HSD17B4: variants seen among roughly 807,000 people sequenced by gnomAD.
The protein encoded by HSD17B4 is hydroxysteroid 17-beta dehydrogenase 4.
In HSD17B4, 70 loss-of-function variants were observed where a neutral mutation model predicts 101.0. The ratio of observed to expected loss-of-function variants is 0.69; its 90% CI spans 0.57 to 0.85. HSD17B4 has a LOEUF of 0.85. HSD17B4 is among the 40% of genes least tolerant of loss of function. The pLI is 0.00. For missense variants in HSD17B4, 984 were observed against 892.4 expected (o/e 1.10, Z -1.31); for synonymous variants, 347 against 297.1 (o/e 1.17, Z -1.73).
chr5:119,506,129 C>G (rs1223240796), intron 14 of HSD17B4, among the ~76,000 whole-genome samples: 1 of 152,040 alleles, frequency 6.6e-6, no homozygotes, highest in Non-Finnish European at 1.5e-5. Flanking sequence ...AACCCGTCAC[C>G]TATATTAGGT....
intron 17 of HSD17B4, among the ~76,000 whole-genome samples, chr5:119,517,728 C>G (rs1265701868): frequency 6.6e-6 from 1 of 152,164 alleles, no homozygotes; most frequent in Non-Finnish European, 1.5e-5. Flanking sequence ...TCTAGCTGCT[C>G]TGGTGGGGCC....
intron 19 of HSD17B4, among the ~76,000 whole-genome samples, chr5:119,526,281 A>ATT (rs377073048): frequency 1.6e-5 from 1 of 64,276 alleles, no homozygotes; most frequent in East Asian, 2.0e-3. Context: ...AGGTGCATAT[A>ATT]TTATATATAT....
At chr5:119,516,646 C>T (rs576795211) in intron 17 of HSD17B4, among the ~76,000 whole-genome samples, 10 of 152,022 alleles carry the variant, frequency 6.6e-5, no homozygotes, top group African/African-American at 1.2e-4. Context: ...TACCAGTTCC[C>T]TAAAAAACAT....
intron 2 of HSD17B4, among the ~76,000 whole-genome samples, chr5:119,473,122 T>C (rs949841339): frequency 6.6e-6 from 1 of 152,144 alleles, no homozygotes; most frequent in Non-Finnish European, 1.5e-5. Flanking sequence ...TGAAGAGAAT[T>C]TCAAGTCAGT....
chr5:119,481,090 G>A (rs1011997426), intron 8 of HSD17B4, among the ~76,000 whole-genome samples: 1 of 152,080 alleles, frequency 6.6e-6, no homozygotes, highest in Admixed American at 6.6e-5. Context: ...GTCCTGAGGC[G>A]ACATACATCC....
chr5:119,502,328 T>A (rs958884287), intron 14 of HSD17B4, among the ~76,000 whole-genome samples: 2 of 152,186 alleles, frequency 1.3e-5, no homozygotes, highest in Non-Finnish European at 2.9e-5. Context: ...TCTGTTGATG[T>A]ATGTGTTATT....
Position 119,496,552 on chromosome 5 carries a change from G to T in HSD17B4, c.878G>T (p.Gly293Val), listed in dbSNP as rs1240743591. 1 of 1,541,062 alleles carries T rather than the reference G, an allele frequency of 6.5e-7. No homozygotes were observed. The stretch of plus-strand genomic sequence containing the variant: ...TCATTTTTCATTTTAGAATCAACTG[G>T]CAGTATAATTGAAGTTCTGAGTAAA... ...SKPQSIQEST[G>V]SIIEVLSKID... The change falls in exon 12 of 24, where the codon GGC becomes GTC. Residue 293 changes from glycine (G) to valine (V), a missense_variant. Transcript: ENST00000510025.
chr5:119,473,980 TAAG>T lies in HSD17B4; in HGVS notation c.189_191del (p.Arg65del), dbSNP rs770940142. On this transcript the variant is annotated inframe_deletion, in exon 3 of 24. Transcript: ENST00000510025. Reference sequence around the variant, plus strand: ...GCTGCTGATAAGGTTGTTGAAGAAATAAGAAGGAGAGGTGGAAAAGCAGTGGCC... The same window carrying T: ...GCTGCTGATAAGGTTGTTGAAGAAATAAGGAGAGGTGGAAAAGCAGTGGCC... 3.8e-5 allele frequency: 61 copies of T among 1,610,890 alleles called. No homozygotes were observed. The highest frequency in any genetic ancestry group is 4.7e-5 in the Non-Finnish European group (55 of 1,177,346).
At chr5:119,498,634 T>A (rs1166278167) in intron 12 of HSD17B4, among the ~76,000 whole-genome samples, 4 of 152,144 alleles carry the variant, frequency 2.6e-5, no homozygotes, top group African/African-American at 9.7e-5. Context: ...TCCCAGCACT[T>A]TGGGAGGCCG....
chr5:119,493,212 C>T (rs564245706), intron 10 of HSD17B4: 1 of 153,340 alleles, frequency 6.5e-6, no homozygotes, highest in Admixed American at 6.5e-5. Context: ...TTGTTTATAC[C>T]TCTGGTTTTT....
intron 14 of HSD17B4, among the ~76,000 whole-genome samples, chr5:119,504,543 G>A (rs1467135552): frequency 6.6e-6 from 1 of 152,106 alleles, no homozygotes; most frequent in Non-Finnish European, 1.5e-5. Context: ...GTGTTATGAA[G>A]CATTTTTTTT....
intron 5 of HSD17B4, 48 bp downstream of exon 5, chr5:119,475,775 A>G (rs768171461): frequency 1.3e-6 from 2 of 1,583,726 alleles, no homozygotes; most frequent in Admixed American, 1.7e-5. Flanking sequence ...AATTTTTTTA[A>G]AAAGTATATA....
intron 7 of HSD17B4, 106 bp downstream of exon 7, chr5:119,477,607 G>C: frequency 2.4e-6 from 2 of 829,754 alleles, no homozygotes; most frequent in South Asian, 2.7e-5. Flanking sequence ...TTATGACATT[G>C]AGGAATATGT....
chr5:119,539,433 G>A (rs1754796354), intron 23 of HSD17B4, among the ~76,000 whole-genome samples: 1 of 137,730 alleles, frequency 7.3e-6, no homozygotes, highest in Non-Finnish European at 1.6e-5. Flanking sequence ...GACCTGTCAT[G>A]GGGTTGGGGG....
chr5:119,495,441 C>T (rs527969919), intron 11 of HSD17B4, among the ~76,000 whole-genome samples: 12 of 152,112 alleles, frequency 7.9e-5, no homozygotes, highest in Non-Finnish European at 1.3e-4. Context: ...TTTTATTTTA[C>T]AGATGATGGA....
At chr5:119,537,336 C>T (rs1353886938) in intron 23 of HSD17B4, among the ~76,000 whole-genome samples, 1 of 152,110 alleles carries the variant, frequency 6.6e-6, no homozygotes, top group Non-Finnish European at 1.5e-5. Flanking sequence ...TTGCCCCTGT[C>T]ACTTCATCCA....
chr5:119,458,245 C>T (rs1298423063), intron 2 of HSD17B4, among the ~76,000 whole-genome samples: 1 of 152,074 alleles, frequency 6.6e-6, no homozygotes, highest in Non-Finnish European at 1.5e-5. Context: ...GAAATTTTGA[C>T]TGATGTTTTC....
chr5:119,479,136 C>T (rs568203580), intron 8 of HSD17B4, 115 bp downstream of exon 8: 21 of 797,268 alleles, frequency 2.6e-5, no homozygotes, highest in East Asian at 1.4e-4. Context: ...TTTTCAATTT[C>T]GAAAGCATTA....
intron 17 of HSD17B4, among the ~76,000 whole-genome samples, chr5:119,518,676 G>A: frequency 6.6e-6 from 1 of 152,140 alleles, no homozygotes; most frequent in Admixed American, 6.5e-5. Context: ...ATATGGAAAT[G>A]AGGAAAAATT....
Sources: gnomAD v4.1 joint callset for allele counts (sites outside exome capture counted in the v4.1 genomes callset) on GRCh38, gnomAD v4.1.1 for gene constraint, MANE v1.5 for transcripts, NCBI Gene and HGNC (gene_info 2026-07-23, HGNC 2026-07-21) for gene names.